TTLL12: variants seen among roughly 807,000 people sequenced by gnomAD.
TTLL12 encodes tubulin--tyrosine ligase-like protein 12.
In TTLL12, 77 loss-of-function variants were observed where a neutral mutation model predicts 79.6. The ratio of observed to expected loss-of-function variants is 0.97; its 90% CI spans 0.81 to 1.17. The LOEUF (loss-of-function observed/expected upper bound fraction) is 1.17, where lower values mean the gene tolerates loss of function less well. TTLL12 is among the 50% of genes most tolerant of loss of function. The pLI, the probability that TTLL12 is intolerant of heterozygous loss-of-function variation, is 0.00. For missense variants in TTLL12, 969 were observed against 895.9 expected, an observed-to-expected ratio of 1.08 and a Z score of -1.04; for synonymous variants, 437 against 376.1, an observed-to-expected ratio of 1.16 and a Z score of -1.87.
intron 2 of TTLL12, 62 bp from the exon 3 acceptor site, chr22:43,181,002 G>A (rs1345624833): frequency 3.9e-6 from 6 of 1,545,348 alleles, no homozygotes; most frequent in Non-Finnish European, 4.4e-6. Context: ...GAAGTCGGGG[G>A]AGCAAGAGGC....
At chr22:43,170,909 G>A (rs1931748538) in intron 11 of TTLL12, among the ~76,000 whole-genome samples, 1 of 152,116 alleles carries the variant, frequency 6.6e-6, no homozygotes, top group Non-Finnish European at 1.5e-5. Flanking sequence ...GTGAGACATT[G>A]TCTCTCAAAA....
At position 43,182,981 on chromosome 22, in the gene TTLL12, T is replaced by C. The variant is rs1167653343; in HGVS notation, c.346A>G (p.Ser116Gly). 1.9e-6 allele frequency: 3 copies of C among 1,612,970 alleles called. No individual in the cohort carries two copies. Among genetic ancestry groups the C allele is most frequent in the Non-Finnish European group, 2.5e-6 (3 of 1,179,374 alleles). ...TGGTGTCTCTGGCCAGGCTCCTACC[T>C]GTTGGGGTGGGCTGCCTGGAGCCCG... ...ESGLQAAHPNSIFLIDHAWTC... is the reference protein window; with the variant it reads ...ESGLQAAHPNGIFLIDHAWTC... The change falls in exon 2 of 14, where the codon AGC becomes GGC. Residue 116 changes from serine to glycine, a missense_variant and splice_region_variant. By Grantham distance (56) the Ser-to-Gly change is moderately conservative. Transcript: ENST00000216129.
At chr22:43,178,933 G>A (rs891539341) in intron 5 of TTLL12, among the ~76,000 whole-genome samples, 2 of 152,208 alleles carry the variant, frequency 1.3e-5, no homozygotes, top group Non-Finnish European at 1.5e-5. Context: ...TCCAGCCTAC[G>A]GAAGCAGCAG....
Position 43,174,209 on chromosome 22 carries a change from C to A in TTLL12, c.1229G>T (p.Trp410Leu). 1.1e-5 allele frequency: 17 copies of A among 1,601,222 alleles called. No individual in the cohort carries two copies. Among genetic ancestry groups the A allele is most frequent in the South Asian group, 2.2e-5 (2 of 91,016 alleles). The change falls in exon 8 of 14, where the codon TGG becomes TTG. Residue 410 changes from tryptophan (W) to leucine (L), a missense_variant and splice_region_variant. Transcript: ENST00000216129. ...CACCGATGCCGTGTCTGGGACTTAC[C>A]ACCTTTCCCGCTGCTGGAAGTAGCT... ...FVSYFQQRERWGEDNHWICKP... is the reference protein window; with the variant it reads ...FVSYFQQRERLGEDNHWICKP...
At chr22:43,180,068 C>CA in intron 3 of TTLL12, 68 bp from the exon 4 acceptor site, 1 of 1,501,262 alleles carries the variant, frequency 6.7e-7, no homozygotes, top group Admixed American at 2.0e-5. Flanking sequence ...TTCCGGAACC[C>CA]AGACATCGAC....
intron 3 of TTLL12, 130 bp downstream of exon 3, chr22:43,180,612 C>G: frequency 9.1e-7 from 1 of 1,099,298 alleles, no homozygotes; most frequent in South Asian, 1.5e-5. Context: ...TAGCACTCTC[C>G]TTAGGAAGCC....
chr22:43,171,058 T>G (rs1181421783), intron 11 of TTLL12, among the ~76,000 whole-genome samples: 2 of 152,230 alleles, frequency 1.3e-5, no homozygotes, highest in East Asian at 3.8e-4. Context: ...TGGGGCTGGC[T>G]GCATGGGGAG....
chr22:43,178,691 C>T (rs548016841), intron 5 of TTLL12, among the ~76,000 whole-genome samples: 7 of 152,172 alleles, frequency 4.6e-5, no homozygotes, highest in South Asian at 2.1e-4. Context: ...ACTTAGTGAG[C>T]GCCTGGTGTG....
chr22:43,180,134 C>A, intron 3 of TTLL12, 134 bp from the exon 4 acceptor site: 1 of 1,099,964 alleles, frequency 9.1e-7, no homozygotes, highest in Non-Finnish European at 1.3e-6. Context: ...GTACCCCAGG[C>A]CCTTTAGCTA....
intron 1 of TTLL12, 27 bp downstream of exon 1, chr22:43,186,866 G>A (rs1247902562): frequency 8.0e-7 from 1 of 1,251,516 alleles, no homozygotes; most frequent in Non-Finnish European, 1.0e-6. Context: ...CCCGGCCGCC[G>A]CACGTGCCCG....
At chr22:43,171,564 C>T (rs1185018398) in intron 11 of TTLL12, 11 of 438,958 alleles carry the variant, frequency 2.5e-5, no homozygotes, top group Middle Eastern at 6.4e-4. Context: ...CTGGACCCAT[C>T]CCCCTCTGTG....
In TTLL12 at chr22:43,168,825, G is replaced by C. The variant is rs138020386; in HGVS notation, c.1732C>G (p.Arg578Gly). The C allele has an allele frequency of 3.1e-6, 5 of 1,593,330 alleles. No individual in the cohort carries two copies. The African/African-American group carries it at 6.7e-5, about 21-fold the overall frequency. Residue 578 changes from arginine (R) to glycine (G), a missense_variant, in exon 13 of 14, where the codon CGG (arginine) becomes GGG (glycine). Physicochemically the swap from Arg to Gly is moderately radical, Grantham distance 125. Transcript: ENST00000216129. ...ATGAGGTCGACGGCATACATGGCCC[G>C]GGATGAGGGGTAGTCGCAGAGGCCC... ...PLGLCDYPSS[R>G]AMYAVDLMLK...
rs1932002243 is a variant in TTLL12, at chr22:43,179,665, A to G, written c.794T>C (p.Leu265Pro). The G allele has an allele frequency of 3.2e-6, 5 of 1,582,824 alleles. No individual in the cohort carries two copies. The highest frequency in any genetic ancestry group is 1.4e-5 in the African/African-American group (1 of 73,866). The part of the protein sequence containing the change: ...MLLPWAPTDM[L>P]DLSSCTPEPP... Reference sequence around the variant, plus strand: ...CTCGGGTGTGCAAGAGCTGAGGTCCAGCATGTCGGTGGGGGCCCAGGGCAG... The same window carrying G: ...CTCGGGTGTGCAAGAGCTGAGGTCCGGCATGTCGGTGGGGGCCCAGGGCAG... Residue 265 changes from leucine to proline, a missense_variant, in exon 5 of 14, where the codon CTG becomes CCG. By Grantham distance (98) the Leu-to-Pro change is moderately conservative. Transcript: ENST00000216129.
At position 43,180,076 on chromosome 22, in the gene TTLL12, G is replaced by A. The variant is rs1002360024; in HGVS notation, c.547-76C>T. ...AACTCCCTTCCGGAACCCAGACATC[G>A]ACCACCAGCCCACAGCCATTTCTCT... is the stretch of plus-strand genomic sequence containing the variant. On this transcript the variant is annotated intron_variant, in intron 3 of 13. Coordinates refer to ENST00000216129, the MANE Select transcript of TTLL12 (RefSeq NM_015140.4). The A allele has an allele frequency of 1.0e-4, 149 of 1,480,680 alleles. 2 individuals carry two copies. The South Asian group carries it at 1.2e-3, about 12-fold the overall frequency. 91.7% of individuals were successfully genotyped at this position (1,480,680 alleles called of 1,614,324 possible).
rs761280215 is a variant in TTLL12 at position 43,168,734 on chromosome 22, G to A, written c.1783+40C>T. On this transcript the variant is annotated intron_variant, in intron 13 of 13. Transcript: ENST00000216129. Reference sequence around the variant, plus strand: ...GCTGTGGCTGGCTGGCGGAGGGGGCGCCTGCTGGTTTGGATCAGGAGATGG... The same window carrying A: ...GCTGTGGCTGGCTGGCGGAGGGGGCACCTGCTGGTTTGGATCAGGAGATGG... 21 of 1,544,398 alleles carry A rather than the reference G, an allele frequency of 1.4e-5. No individual in the cohort carries two copies. The African/African-American group carries it at 1.4e-4, about 10-fold the overall frequency.
chr22:43,168,049 G>A lies in TTLL12; in HGVS notation c.1894C>T (p.Leu632=). 4 of 1,614,162 alleles carry A rather than the reference G, an allele frequency of 2.5e-6. No individual in the cohort carries two copies. The Middle Eastern group carries it at 5.0e-4, about 200-fold the overall frequency. The change falls in exon 14 of 14, where the codon CTG becomes TTG. Residue 632 remains leucine (L), a synonymous_variant. Coordinates refer to ENST00000216129, the MANE Select transcript of TTLL12 (RefSeq NM_015140.4). Reference sequence around the variant, plus strand: ...ACGTGGCAGCCACCGGGCTGGTCCAGAAACAAGGTGCTGAAGACGTCGTTG... The same window carrying A: ...ACGTGGCAGCCACCGGGCTGGTCCAAAAACAAGGTGCTGAAGACGTCGTTG... ...FFNDVFSTLF[L]DQPGGCHVTC... is the part of the protein sequence containing the mutation.
chr22:43,175,607 G>GC, intron 6 of TTLL12: 1 of 152,336 alleles, frequency 6.6e-6, no homozygotes, highest in East Asian at 1.9e-4. Flanking sequence ...TGCCCAGGGG[G>GC]CCCTTTACCC....
In TTLL12 at chr22:43,169,510, G is replaced by A. The variant is rs138428335; in HGVS notation, c.1634C>T (p.Thr545Met). ...CAGGACAGGAATTACCTGGACGTCCGTCCAGGGAAATTCTGGGTATTGCTT... is the reference window on the plus strand; with the variant it reads ...CAGGACAGGAATTACCTGGACGTCCATCCAGGGAAATTCTGGGTATTGCTT... ...FEKQYPEFPW[T>M]DVQAEIFRAF... Residue 545 changes from threonine (T) to methionine (M), a missense_variant, in exon 12 of 14, where the codon ACG becomes ATG. Thr to Met is a moderately conservative substitution (Grantham distance 81). Transcript: ENST00000216129. 112 of 1,602,788 alleles carry A rather than the reference G, an allele frequency of 7.0e-5. No individual in the cohort carries two copies. In the South Asian group the frequency reaches 7.2e-4, roughly 10 times the overall value.
chr22:43,178,607 C>A (rs1380794937), intron 5 of TTLL12, among the ~76,000 whole-genome samples: 1 of 152,194 alleles, frequency 6.6e-6, no homozygotes, highest in East Asian at 1.9e-4. Context: ...AGGCATGAGC[C>A]CCCACGCCCA....
Sources: allele counts gnomAD v4.1 joint callset (sites outside exome capture counted in the v4.1 genomes callset), GRCh38; gene constraint gnomAD v4.1.1; transcripts MANE v1.5; gene names NCBI Gene and HGNC (gene_info 2026-07-23, HGNC 2026-07-21).